Variants in C12orf56 observed in about 807,000 individuals in gnomAD.
The protein encoded by C12orf56 is chromosome 12 open reading frame 56.
A neutral mutation model predicts 69.9 loss-of-function variants in C12orf56; 71 were observed. That is an observed-to-expected ratio of 1.02 (90% CI 0.84 to 1.24). The LOEUF (loss-of-function observed/expected upper bound fraction) is 1.24, where lower values mean the gene tolerates loss of function less well. Ranked by LOEUF, C12orf56 falls within the 50% of genes most tolerant of loss-of-function variation. C12orf56 has a pLI of 0.00. For synonymous variants in C12orf56, 276 were observed against 274.1 expected (o/e 1.01, Z -0.07); for missense variants, 732 against 738.5 (o/e 0.99, Z 0.10).
chr12:64,341,761 C>T (rs1356290406), intron 2 of C12orf56, among the ~76,000 whole-genome samples: 1 of 152,180 alleles, frequency 6.6e-6, no homozygotes, highest in East Asian at 1.9e-4. Context: ...TATAATCAAC[C>T]TGCCACCAGG....
rs562518656 is a variant in C12orf56, at chr12:64,266,741, C to T, written c.*442G>A. 5.7e-6 allele frequency: 2 copies of T among 350,782 alleles called. No individual in the cohort carries two copies. Among genetic ancestry groups the T allele is most frequent in the African/African-American group, 4.3e-5 (2 of 46,880 alleles). The allele number at this position is 350,782 out of a possible 1,614,324, so 21.7% of individuals were successfully genotyped here. A position where few individuals can be genotyped will look rare whatever the true frequency, so the allele number is the denominator to read the frequency against. On this transcript the variant is annotated 3_prime_UTR_variant, in exon 13 of 13. Transcript: ENST00000543942. The stretch of plus-strand genomic sequence containing the variant: ...AGAACTTGAATGCCCATGCCTCAGG[C>T]CCCCACACTCCCCGGCATCCTATTG...
chr12:64,267,198 C>G lies in C12orf56; in HGVS notation c.1854G>C (p.Leu618=). 1 of 1,606,898 alleles carries G rather than the reference C, an allele frequency of 6.2e-7. No homozygotes were observed. The highest frequency in any genetic ancestry group is 1.1e-5 in the South Asian group (1 of 89,578). ...TTGTTTGTTTCTATTCAACCAATTTCAGAACTTCATGAAAAAGTTGAATGG... is the reference window on the plus strand; with the variant it reads ...TTGTTTGTTTCTATTCAACCAATTTGAGAACTTCATGAAAAAGTTGAATGG... The part of the protein sequence containing the change: ...QPTIQLFHEV[L]KLVE The change falls in exon 13 of 13, where the codon CTG becomes CTC. Residue 618 remains leucine, a synonymous_variant. Coordinates refer to ENST00000543942, the MANE Select transcript of C12orf56 (RefSeq NM_001170633.2).
intron 2 of C12orf56, among the ~76,000 whole-genome samples, chr12:64,352,104 T>TGTTTTTG (rs575927016): frequency 1.8e-4 from 21 of 117,040 alleles, no homozygotes; most frequent in East Asian, 5.4e-4. Flanking sequence ...TTTTTGTTTT[T>TGTTTTTG]TTTTTTTTTT....
rs200351319 is a variant in C12orf56, at chr12:64,276,993, TAA to T, written c.1434+685_1434+686del. Among the ~76,000 whole-genome samples, 70 of 69,220 alleles carry T rather than the reference TAA, an allele frequency of 1.0e-3. 1 individual carries two copies. Among genetic ancestry groups the T allele is most frequent in the Non-Finnish European group, 1.1e-3 (41 of 36,068 alleles). 45.4% of individuals were successfully genotyped at this position (69,220 alleles called of 152,430 possible). The stretch of plus-strand genomic sequence containing the variant: ...TGGGCAACAGAGTGAAACCCTTTCT[TAA>T]AAAAAAAAAAAAAAAAAAAAATTAC... On this transcript the variant is annotated intron_variant, in intron 9 of 12. Coordinates refer to ENST00000543942, the MANE Select transcript of C12orf56 (RefSeq NM_001170633.2).
intron 1 of C12orf56, among the ~76,000 whole-genome samples, chr12:64,362,582 T>A (rs1389366517): frequency 2.0e-5 from 3 of 151,958 alleles, no homozygotes; most frequent in Admixed American, 6.6e-5. Context: ...ATCTCAGCTA[T>A]TCAGGAGGCT....
chr12:64,325,044 G>A (rs2038820385), intron 3 of C12orf56, among the ~76,000 whole-genome samples: 1 of 152,166 alleles, frequency 6.6e-6, no homozygotes, highest in African/African-American at 2.4e-5. Context: ...ATAGCCTGGA[G>A]TAGAGCCTAG....
At chr12:64,327,058 C>T (rs974842605) in intron 3 of C12orf56, among the ~76,000 whole-genome samples, 2 of 152,200 alleles carry the variant, frequency 1.3e-5, no homozygotes, top group Admixed American at 1.3e-4. Flanking sequence ...AGCTTGCATG[C>T]CCAGTGCTCT....
At chr12:64,388,457 A>T (rs2039822879) in intron 1 of C12orf56, among the ~76,000 whole-genome samples, 2 of 151,662 alleles carry the variant, frequency 1.3e-5, no homozygotes, top group Admixed American at 1.3e-4. Flanking sequence ...AGGTTACCTA[A>T]GTCTCCAACT....
intron 6 of C12orf56, among the ~76,000 whole-genome samples, chr12:64,302,735 A>C (rs1418728069): frequency 6.6e-6 from 1 of 152,162 alleles, no homozygotes; most frequent in African/African-American, 2.4e-5. Flanking sequence ...AGTGAGAATG[A>C]GGTTGCCTTG....
intron 1 of C12orf56, among the ~76,000 whole-genome samples, chr12:64,362,001 G>C (rs1478041442): frequency 6.6e-6 from 1 of 152,146 alleles, no homozygotes; most frequent in African/African-American, 2.4e-5. Flanking sequence ...CAAGTGCTGG[G>C]ATTACAGGCA....
intron 7 of C12orf56, among the ~76,000 whole-genome samples, chr12:64,285,290 A>G (rs2038184599): frequency 6.6e-6 from 1 of 152,216 alleles, no homozygotes; most frequent in Admixed American, 6.5e-5. Context: ...ATAATCAGAC[A>G]CTGCTTTAAA....
intron 1 of C12orf56, among the ~76,000 whole-genome samples, chr12:64,365,096 T>G (rs891212660): frequency 6.6e-6 from 1 of 152,006 alleles, no homozygotes; most frequent in Non-Finnish European, 1.5e-5. Context: ...ACATGATCTT[T>G]TATGTGCTTT....
At chr12:64,310,894 G>C (rs942476211) in intron 5 of C12orf56, among the ~76,000 whole-genome samples, 1 of 151,112 alleles carries the variant, frequency 6.6e-6, no homozygotes, top group Admixed American at 6.6e-5. Context: ...ACAGGCCCTG[G>C]TGTATGATGT....
rs1006118680 is a variant in C12orf56 at position 64,353,051 on chromosome 12, A to G, written c.258T>C (p.Asp86=). 6.2e-7 allele frequency: 1 copy of G among 1,610,994 alleles called. No individual in the cohort carries two copies. Among genetic ancestry groups the G allele is most frequent in the Non-Finnish European group, 8.5e-7 (1 of 1,179,128 alleles). Residue 86 remains aspartate (D), a synonymous_variant, in exon 2 of 13, where the codon GAT becomes GAC. Coordinates refer to ENST00000543942, the MANE Select transcript of C12orf56 (RefSeq NM_001170633.2). The part of the protein sequence containing the change: ...LRDVVAIDLI[D]DYPEFLSSPD... ...GCGAACTCAAAAATTCCGGGTAATC[A>G]TCAATCTGGAAAAAAAATTAATTCA...
chr12:64,308,939 AGAAGAAAG>A (rs141274505), intron 5 of C12orf56, among the ~76,000 whole-genome samples: 2,180 of 26,326 alleles, frequency 0.083, 75 homozygotes, highest in East Asian at 0.29. Context: ...AAAGAAAGAA[AGAAGAAAG>A]AAAGAAAGAA....
At position 64,390,498 on chromosome 12, in the gene C12orf56, C is replaced by T. The variant is rs370295879; in HGVS notation, c.68G>A (p.Arg23Gln). ...GTCGTAGACCTCGGGCGGCAGATGC[C>T]GCCGCAGGAACACATCCAGGCGGCT... ...RNSRLDVFLR[R>Q]HLPPEVYDAV... is the part of the protein sequence containing the mutation. Residue 23 changes from arginine (R) to glutamine (Q), a missense_variant, in exon 1 of 13, where the codon CGG becomes CAG. Arg to Gln is a conservative substitution (Grantham distance 43). Transcript: ENST00000543942. 24 of 1,601,734 alleles carry T rather than the reference C, an allele frequency of 1.5e-5. No homozygotes were observed. The highest frequency in any genetic ancestry group is 1.8e-5 in the Non-Finnish European group (21 of 1,179,532).
At chr12:64,302,731 A>T (rs1251465270) in intron 6 of C12orf56, among the ~76,000 whole-genome samples, 1 of 152,136 alleles carries the variant, frequency 6.6e-6, no homozygotes, top group African/African-American at 2.4e-5. Context: ...ACTGAGTGAG[A>T]ATGAGGTTGC....
In C12orf56 at chr12:64,328,732, T is replaced by TAGATAG. The variant is rs1555190213; in HGVS notation, c.488+2227_488+2228insCTATCT. 9.3e-5 allele frequency among the ~76,000 whole-genome samples: 10 copies of TAGATAG among 107,174 alleles called. 1 individual carries two copies. The highest frequency in any genetic ancestry group is 1.7e-4 in the Non-Finnish European group (9 of 52,048). 70.3% of individuals were successfully genotyped at this position (107,174 alleles called of 152,430 possible). ...ATATATATATATATATATATATATA[T>TAGATAG]ATATAGTATCACACTTTAACTTATG... On this transcript the variant is annotated intron_variant, in intron 3 of 12. Coordinates refer to ENST00000543942, the MANE Select transcript of C12orf56 (RefSeq NM_001170633.2).
intron 1 of C12orf56, among the ~76,000 whole-genome samples, chr12:64,361,956 T>C (rs2039405519): frequency 6.6e-6 from 1 of 152,176 alleles, no homozygotes; most frequent in South Asian, 2.1e-4. Context: ...GGTCTCAAAC[T>C]CTTGACCTCA....
Sources: gnomAD v4.1 joint callset for allele counts (sites outside exome capture counted in the v4.1 genomes callset) on GRCh38, gnomAD v4.1.1 for gene constraint, MANE v1.5 for transcripts, NCBI Gene and HGNC (gene_info 2026-07-23, HGNC 2026-07-21) for gene names.